Variants in KIAA1328 observed in about 807,000 individuals in gnomAD.
KIAA1328 encodes KIAA1328.
In KIAA1328, 52 loss-of-function variants were observed where a neutral mutation model predicts 68.1. That is an observed-to-expected ratio of 0.76 (90% CI 0.61 to 0.96). KIAA1328 has a LOEUF of 0.96. Ranked by LOEUF, KIAA1328 falls within the 40% of genes least tolerant of loss-of-function variation. The probability of loss-of-function intolerance (pLI) is 0.00; values close to 1 mark genes in which losing one functional copy is unlikely to be tolerated. For missense variants in KIAA1328, 641 were observed against 677.6 expected (o/e 0.95, Z 0.60); for synonymous variants, 232 against 239.4 (o/e 0.97, Z 0.28).
At chr18:37,021,217 CTTTTTA>C (rs1556858536) in intron 6 of KIAA1328, among the ~76,000 whole-genome samples, 1 of 152,106 alleles carries the variant, frequency 6.6e-6, no homozygotes, top group Non-Finnish European at 1.5e-5. Flanking sequence ...TTTATGATAA[CTTTTTA>C]TTTTTATCAA....
At chr18:37,086,478 C>CT (rs2057107728) in intron 7 of KIAA1328, among the ~76,000 whole-genome samples, 1 of 152,094 alleles carries the variant, frequency 6.6e-6, no homozygotes, top group African/African-American at 2.4e-5. Flanking sequence ...ATTTCCTTAC[C>CT]TATCATCCTG....
intron 3 of KIAA1328, among the ~76,000 whole-genome samples, chr18:36,843,874 T>C (rs2150806930): frequency 6.6e-6 from 1 of 152,284 alleles, no homozygotes; most frequent in East Asian, 1.9e-4. Context: ...GTGGGGACTA[T>C]GGTGTAATAA....
At chr18:36,905,353 T>C (rs1386638237) in intron 5 of KIAA1328, among the ~76,000 whole-genome samples, 1 of 151,912 alleles carries the variant, frequency 6.6e-6, no homozygotes, top group African/African-American at 2.4e-5. Flanking sequence ...CTCAAGTGAT[T>C]TGCCTGCTTC....
intron 1 of KIAA1328, chr18:36,833,198 G>A (rs1178120743): frequency 3.3e-5 from 5 of 152,212 alleles, no homozygotes; most frequent in Non-Finnish European, 7.3e-5. Flanking sequence ...GAGGCAGATA[G>A]TAGCGGGAGG....
chr18:37,090,123 G>A (rs866536384), intron 7 of KIAA1328, among the ~76,000 whole-genome samples: 1 of 152,052 alleles, frequency 6.6e-6, no homozygotes, highest in African/African-American at 2.4e-5. Flanking sequence ...TTAGATTTTG[G>A]TAATTGTCTA....
chr18:37,082,743 A>T (rs533081040), intron 7 of KIAA1328, among the ~76,000 whole-genome samples: 2 of 152,336 alleles, frequency 1.3e-5, no homozygotes, highest in South Asian at 4.1e-4. Flanking sequence ...ACAACTTTCG[A>T]AAGGGTATTA....
chr18:37,109,222 A>G (rs2057860761), intron 7 of KIAA1328, among the ~76,000 whole-genome samples: 1 of 152,212 alleles, frequency 6.6e-6, no homozygotes, highest in Non-Finnish European at 1.5e-5. Flanking sequence ...TATTGTGAAT[A>G]GTGCTGCAAT....
intron 7 of KIAA1328, among the ~76,000 whole-genome samples, chr18:37,154,934 A>G (rs2059122089): frequency 6.6e-6 from 1 of 152,128 alleles, no homozygotes; most frequent in African/African-American, 2.4e-5. Context: ...TACTACATTA[A>G]TATATTTATT....
At chr18:37,154,200 C>T (rs1568473221) in intron 7 of KIAA1328, among the ~76,000 whole-genome samples, 2 of 152,268 alleles carry the variant, frequency 1.3e-5, no homozygotes, top group Middle Eastern at 3.4e-3. Flanking sequence ...CAAATAATAT[C>T]CAGGTCCCAC....
chr18:37,158,780 A>G (rs1428697074), intron 7 of KIAA1328, among the ~76,000 whole-genome samples: 1 of 152,118 alleles, frequency 6.6e-6, no homozygotes, highest in Non-Finnish European at 1.5e-5. Context: ...GAAGGCAGTC[A>G]GTATTGGGAG....
At chr18:37,203,365 A>G (rs1430790650) in intron 9 of KIAA1328, among the ~76,000 whole-genome samples, 4 of 152,032 alleles carry the variant, frequency 2.6e-5, no homozygotes, top group Middle Eastern at 3.4e-3. Context: ...GGTTTTATCT[A>G]TCATTCCTTT....
Position 37,067,229 on chromosome 18 carries a change from T to A in KIAA1328, c.916T>A (p.Cys306Ser), listed in dbSNP as rs779814978. The change falls in exon 7 of 10, where the codon TGT (cysteine) becomes AGT (serine). Residue 306 changes from cysteine to serine, a missense_variant. By Grantham distance (112) the Cys-to-Ser change is moderately radical. Transcript: ENST00000280020. ...PHLKPTPSQC[C>S]GHRLAADRVH... is the part of the protein sequence containing the mutation. Reference sequence around the variant, plus strand: ...TCTTAAGCCTACTCCTAGTCAATGCTGTGGTCATAGACTTGCTGCAGATCG... The same window carrying A: ...TCTTAAGCCTACTCCTAGTCAATGCAGTGGTCATAGACTTGCTGCAGATCG... 2 of 1,613,918 alleles carry A rather than the reference T, an allele frequency of 1.2e-6. No individual in the cohort carries two copies. The highest frequency in any genetic ancestry group is 1.7e-6 in the Non-Finnish European group (2 of 1,179,888).
intron 5 of KIAA1328, chr18:36,923,705 G>A (rs982265231): frequency 6.6e-6 from 1 of 152,134 alleles, no homozygotes; most frequent in African/African-American, 2.4e-5. Flanking sequence ...TGTATAGTAT[G>A]GTGACCACTA....
intron 6 of KIAA1328, among the ~76,000 whole-genome samples, chr18:37,040,782 T>A (rs2055214598): frequency 6.6e-6 from 1 of 151,872 alleles, no homozygotes; most frequent in South Asian, 2.1e-4. Flanking sequence ...AAATATTTTC[T>A]TCCTTCCCCT....
chr18:36,853,359 C>A (rs2047276709), intron 4 of KIAA1328, among the ~76,000 whole-genome samples: 1 of 152,130 alleles, frequency 6.6e-6, no homozygotes, highest in Non-Finnish European at 1.5e-5. Context: ...TATGAAAAGA[C>A]ATTTCTTTAT....
intron 9 of KIAA1328, among the ~76,000 whole-genome samples, chr18:37,200,767 C>T (rs575786260): frequency 2.7e-4 from 40 of 149,782 alleles, no homozygotes; most frequent in African/African-American, 7.6e-4. Flanking sequence ...GCTGAGATTG[C>T]GCCACTGCAG....
intron 6 of KIAA1328, among the ~76,000 whole-genome samples, chr18:36,974,295 A>T (rs975556164): frequency 1.3e-5 from 2 of 151,326 alleles, no homozygotes; most frequent in African/African-American, 2.4e-5. Flanking sequence ...TCATTGAGTA[A>T]TTTTTTTTTA....
intron 6 of KIAA1328, among the ~76,000 whole-genome samples, chr18:37,045,064 G>A (rs1350490705): frequency 6.6e-6 from 1 of 152,008 alleles, no homozygotes; most frequent in East Asian, 1.9e-4. Context: ...GATTGACCTG[G>A]GTTAGGAGTT....
intron 8 of KIAA1328, 45 bp from the exon 9 acceptor site, chr18:37,172,924 CATTT>C: frequency 7.1e-7 from 1 of 1,399,592 alleles, no homozygotes; most frequent in Non-Finnish European, 1.0e-6. Context: ...TGAACTTTTC[CATTT>C]TCTTTTACTG....
Sources: allele counts gnomAD v4.1 joint callset (sites outside exome capture counted in the v4.1 genomes callset), GRCh38; gene constraint gnomAD v4.1.1; transcripts MANE v1.5; gene names NCBI Gene and HGNC (gene_info 2026-07-23, HGNC 2026-07-21).